MCUB: variants seen among roughly 807,000 people sequenced by gnomAD.
MCUB encodes the protein calcium uniporter regulatory subunit MCUb, mitochondrial.
MCUB carries 46 observed loss-of-function variants against 41.4 expected under a neutral mutation model. The observed-to-expected ratio is 1.11, with a 90% confidence interval of 0.88 to 1.42. The LOEUF is 1.42. MCUB is among the 40% of genes most tolerant of loss of function. The pLI is 0.00. For missense variants in MCUB, 403 were observed against 404.9 expected, an observed-to-expected ratio of 1.00 and a Z score of 0.04; for synonymous variants, 148 against 148.2, an observed-to-expected ratio of 1.00 and a Z score of 0.01.
At chr4:109,566,272 A>G (rs1018680234) in intron 1 of MCUB, among the ~76,000 whole-genome samples, 3 of 151,704 alleles carry the variant, frequency 2.0e-5, no homozygotes, top group Admixed American at 6.6e-5. Context: ...GATCGAGACT[A>G]TCCTGGCTAA....
At chr4:109,578,770 A>T (rs17040560) in intron 1 of MCUB, among the ~76,000 whole-genome samples, 2,633 of 151,916 alleles carry the variant, frequency 0.017, 61 homozygotes, top group South Asian at 0.072. Flanking sequence ...CCTCCCAAAG[A>T]ATCTCATGCT....
chr4:109,648,218 A>G lies in MCUB; in HGVS notation c.100-10793A>G, dbSNP rs1728879486. On this transcript the variant is annotated intron_variant, in intron 1 of 7. Transcript: ENST00000394650. ...AAAACCAATGTCCTGTCGAAATGGAAGGAAAGAGAGAGAGAAGGAGGAAAA... is the reference window on the plus strand; with the variant it reads ...AAAACCAATGTCCTGTCGAAATGGAGGGAAAGAGAGAGAGAAGGAGGAAAA... 5.4e-5 allele frequency among the ~76,000 whole-genome samples: 4 copies of G among 74,670 alleles called. No homozygotes were observed. The South Asian group carries it at 1.9e-3, about 36-fold the overall frequency. 49.0% of individuals were successfully genotyped at this position (74,670 alleles called of 152,430 possible).
rs186487615 is a variant in MCUB, at chr4:109,598,427, C to A, written c.99+37991C>A. Among the ~76,000 whole-genome samples the A allele has an allele frequency of 3.6e-3, 545 of 152,174 alleles. 7 individuals are homozygous for A. Among genetic ancestry groups the A allele is most frequent in the East Asian group, 0.014 (71 of 5,170 alleles). ...GGCCAACACAGCGAAACCCCGTCTCCACCAAAAAAAATACGAAAACCAGTC... is the reference window on the plus strand; with the variant it reads ...GGCCAACACAGCGAAACCCCGTCTCAACCAAAAAAAATACGAAAACCAGTC... On this transcript the variant is annotated intron_variant, in intron 1 of 7. Transcript: ENST00000394650.
intron 1 of MCUB, among the ~76,000 whole-genome samples, chr4:109,578,746 T>G (rs551741276): frequency 6.6e-6 from 1 of 152,264 alleles, no homozygotes; most frequent in African/African-American, 2.4e-5. Flanking sequence ...GCGCAAGTGC[T>G]TCTCCTGCCT....
At chr4:109,591,185 C>CTTTTTTTTT (rs111954864) in intron 1 of MCUB, among the ~76,000 whole-genome samples, 1 of 141,354 alleles carries the variant, frequency 7.1e-6, no homozygotes. Flanking sequence ...TGTTAAAATT[C>CTTTTTTTTT]TTTTTTTTTT....
Position 109,674,063 on chromosome 4 carries a change from C to A in MCUB, c.452-8519C>A, listed in dbSNP as rs917576464. 20 of 1,410,596 alleles carry A rather than the reference C, an allele frequency of 1.4e-5. No homozygotes were observed. The African/African-American group carries it at 2.5e-4, about 18-fold the overall frequency. The allele number at this position is 1,410,596 out of a possible 1,614,324, so 87.4% of individuals were successfully genotyped here. On this transcript the variant is annotated intron_variant, in intron 4 of 7. Coordinates refer to ENST00000394650, the MANE Select transcript of MCUB (RefSeq NM_017918.5). ...GTAGCCCAAGGCTTTGTTGTAGGAG[C>A]AATGACTGTTGGTATGGGCTATTCC...
chr4:109,596,951 C>T (rs1352817572), intron 1 of MCUB, among the ~76,000 whole-genome samples: 2 of 151,782 alleles, frequency 1.3e-5, no homozygotes, highest in Admixed American at 1.3e-4. Flanking sequence ...AGCATGCTGC[C>T]TTCAAGCGTC....
chr4:109,578,478 A>G (rs1267107585), intron 1 of MCUB, among the ~76,000 whole-genome samples: 3 of 152,146 alleles, frequency 2.0e-5, no homozygotes, highest in East Asian at 3.9e-4. Context: ...CCAGGTCTTC[A>G]TAATGAATCT....
At chr4:109,602,061 T>A (rs1465996889) in intron 1 of MCUB, among the ~76,000 whole-genome samples, 1 of 152,352 alleles carries the variant, frequency 6.6e-6, no homozygotes, top group South Asian at 2.1e-4. Context: ...TTTAATTTGA[T>A]GATTTGATTT....
At chr4:109,625,149 A>G (rs1409255307) in intron 1 of MCUB, among the ~76,000 whole-genome samples, 2 of 152,128 alleles carry the variant, frequency 1.3e-5, no homozygotes, top group Non-Finnish European at 2.9e-5. Flanking sequence ...CAAAAAACAA[A>G]AAATTTAAAA....
chr4:109,648,053 A>G (rs1392905173), intron 1 of MCUB, among the ~76,000 whole-genome samples: 2 of 152,242 alleles, frequency 1.3e-5, no homozygotes, highest in African/African-American at 4.8e-5. Flanking sequence ...ATGATGTTGA[A>G]AAAGTTTATT....
rs1257660206 is a variant in MCUB, at chr4:109,577,853, G to A, written c.99+17417G>A. ...TCTCGATCTCCTGACCTCGTGATCC[G>A]CCCGCCTCGGCCTCCCAAAGTGCTG... is the stretch of plus-strand genomic sequence containing the variant. On this transcript the variant is annotated intron_variant, in intron 1 of 7. Coordinates refer to ENST00000394650, the MANE Select transcript of MCUB (RefSeq NM_017918.5). Among the ~76,000 whole-genome samples, 4 of 28,856 alleles carry A rather than the reference G, an allele frequency of 1.4e-4. 1 individual carries two copies. The highest frequency in any genetic ancestry group is 1.8e-3 in the South Asian group (1 of 570). The allele number at this position is 28,856 out of a possible 152,430, so 18.9% of individuals were successfully genotyped here.
At position 109,675,771 on chromosome 4, in the gene MCUB, G is replaced by T. The variant is rs78490893; in HGVS notation, c.452-6811G>T. Among the ~76,000 whole-genome samples, 1,192 of 152,304 alleles carry T rather than the reference G, an allele frequency of 7.8e-3. 9 individuals carry two copies. Among genetic ancestry groups the T allele is most frequent in the Non-Finnish European group, 0.013 (907 of 68,014 alleles). ...CACTGGAGAGGTTATCTTGGCAGTA[G>T]GTTCCTTATAAAAGGATGAGTTTGG... On this transcript the variant is annotated intron_variant, in intron 4 of 7. Transcript: ENST00000394650.
intron 1 of MCUB, among the ~76,000 whole-genome samples, chr4:109,626,792 G>T (rs1728368903): frequency 7.8e-6 from 1 of 128,212 alleles, no homozygotes; most frequent in Admixed American, 9.4e-5. Context: ...TTGCACTCCA[G>T]CCTGAGTGAC....
intron 3 of MCUB, among the ~76,000 whole-genome samples, chr4:109,662,707 A>T (rs578183496): frequency 6.6e-6 from 1 of 152,352 alleles, no homozygotes; most frequent in East Asian, 1.9e-4. Flanking sequence ...CTGAGAAATC[A>T]TATTCAGTGT....
chr4:109,664,366 A>G lies in MCUB; in HGVS notation c.423A>G (p.Ile141Met), dbSNP rs1044874077. Residue 141 changes from isoleucine (I) to methionine (M), a missense_variant, in exon 4 of 8, where the codon ATA becomes ATG. Coordinates refer to ENST00000394650, the MANE Select transcript of MCUB (RefSeq NM_017918.5). ...MNDFKLVINK[I>M]AYDVQCPKRE... ...ATTTTAAACTTGTCATTAATAAAAT[A>G]GCATATGATGTGCAGTGTCCAAAGA... The G allele has an allele frequency of 6.6e-6, 10 of 1,507,802 alleles. No homozygotes were observed. The highest frequency in any genetic ancestry group is 9.2e-6 in the Non-Finnish European group (10 of 1,083,844). The allele number at this position is 1,507,802 out of a possible 1,614,324, so 93.4% of individuals were successfully genotyped here.
chr4:109,666,662 G>C (rs931247289), intron 4 of MCUB, among the ~76,000 whole-genome samples: 1 of 152,060 alleles, frequency 6.6e-6, no homozygotes, highest in Middle Eastern at 3.2e-3. Flanking sequence ...TGAGTTCTTT[G>C]TATGTTTGGG....
chr4:109,656,801 G>A (rs1344999603), intron 1 of MCUB, among the ~76,000 whole-genome samples: 1 of 152,142 alleles, frequency 6.6e-6, no homozygotes, highest in African/African-American at 2.4e-5. Context: ...GTAGTAGACG[G>A]TATTGTAATA....
chr4:109,600,800 A>AT (rs1021120191), intron 1 of MCUB, among the ~76,000 whole-genome samples: 16 of 151,938 alleles, frequency 1.1e-4, no homozygotes, highest in Middle Eastern at 3.4e-3. Context: ...ATATATATAT[A>AT]TTTTTTTCCT....
Sources: gnomAD v4.1 joint callset for allele counts (sites outside exome capture counted in the v4.1 genomes callset) on GRCh38, gnomAD v4.1.1 for gene constraint, MANE v1.5 for transcripts, NCBI Gene and HGNC (gene_info 2026-07-23, HGNC 2026-07-21) for gene names.